The following NAA15 variants were observed in gnomAD, a reference collection of about 807,000 sequenced individuals.
NAA15 encodes N-alpha-acetyltransferase 15, NatA auxiliary subunit.
In NAA15, 34 loss-of-function variants were observed where a neutral mutation model predicts 114.0. The observed-to-expected ratio is 0.30, with a 90% CI of 0.23 to 0.40. The LOEUF (loss-of-function observed/expected upper bound fraction) is 0.40, where lower values mean the gene tolerates loss of function less well. Ranked by LOEUF, NAA15 falls within the 10% of genes least tolerant of loss-of-function variation. The pLI, the probability that NAA15 is intolerant of heterozygous loss-of-function variation, is 1.00. For missense variants in NAA15, 658 were observed against 1,004.5 expected (o/e 0.66, Z 4.66); for synonymous variants, 340 against 338.0 (o/e 1.01, Z -0.06).
Position 139,385,270 on chromosome 4 carries a change from CATATATATATATA to C in NAA15, c.2302+306_2302+318del, listed in dbSNP as rs1029692740. On this transcript the variant is annotated intron_variant, in intron 18 of 19. Transcript: ENST00000296543. ...TGTTTCAAATCAAAACAAAACCAAACATATATATATATAATATATATATATATATAATATATAT... is the reference window on the plus strand; with the variant it reads ...TGTTTCAAATCAAAACAAAACCAAACATATATATATATATATAATATATAT... Among the ~76,000 whole-genome samples, 24 of 91,808 alleles carry C rather than the reference CATATATATATATA, an allele frequency of 2.6e-4. 1 individual carries two copies. Among genetic ancestry groups the C allele is most frequent in the Non-Finnish European group, 1.2e-4 (6 of 48,046 alleles). 60.2% of individuals were successfully genotyped at this position (91,808 alleles called of 152,430 possible). A position where few individuals can be genotyped will look rare whatever the true frequency, so the allele number is the denominator to read the frequency against.
chr4:139,370,101 A>G (rs1748393423), intron 14 of NAA15, 110 bp from the exon 15 acceptor site: 2 of 913,370 alleles, frequency 2.2e-6, no homozygotes, highest in Non-Finnish European at 3.1e-6. Context: ...CGCCATGCCC[A>G]GCCTCATGCA....
chr4:139,387,580 G>T (rs1348386175), intron 19 of NAA15, among the ~76,000 whole-genome samples: 3 of 152,202 alleles, frequency 2.0e-5, no homozygotes, highest in Non-Finnish European at 2.9e-5. Context: ...AAGGTCATAC[G>T]CTTGCTGAGA....
chr4:139,367,222 C>T (rs1303712037), intron 14 of NAA15, among the ~76,000 whole-genome samples: 1 of 152,224 alleles, frequency 6.6e-6, no homozygotes, highest in East Asian at 1.9e-4. Flanking sequence ...TTACCACGTC[C>T]ATCCTCAAGT....
chr4:139,364,213 C>CT (rs1748214131), intron 14 of NAA15, among the ~76,000 whole-genome samples: 1 of 152,070 alleles, frequency 6.6e-6, no homozygotes, highest in Non-Finnish European at 1.5e-5. Flanking sequence ...TATATGTTTT[C>CT]TTTTTTTCAC....
At chr4:139,308,767 C>T (rs1376164845) in intron 1 of NAA15, among the ~76,000 whole-genome samples, 3 of 152,048 alleles carry the variant, frequency 2.0e-5, no homozygotes, top group Admixed American at 6.5e-5. Flanking sequence ...AGGTGTCCAC[C>T]ACCACACCCA....
At chr4:139,325,307 C>G (rs547539629) in intron 1 of NAA15, among the ~76,000 whole-genome samples, 110 of 152,192 alleles carry the variant, frequency 7.2e-4, no homozygotes, top group Non-Finnish European at 1.1e-3. Flanking sequence ...GTTTAATAAC[C>G]TTTAACATTT....
In NAA15 at chr4:139,384,989, T is replaced by A; in HGVS notation, c.2302+11T>A. The A allele has an allele frequency of 6.7e-7, 1 of 1,499,594 alleles. No individual in the cohort carries two copies. Among genetic ancestry groups the A allele is most frequent in the African/African-American group, 1.4e-5 (1 of 70,734 alleles). 92.9% of individuals were successfully genotyped at this position (1,499,594 alleles called of 1,614,324 possible). Reference sequence around the variant, plus strand: ...CACACAGATTATCAGGTAATCACTTTATTTTATCCTTAGCCTTCTAAAACA... The same window carrying A: ...CACACAGATTATCAGGTAATCACTTAATTTTATCCTTAGCCTTCTAAAACA... On this transcript the variant is annotated intron_variant, in intron 18 of 19. Transcript: ENST00000296543.
chr4:139,346,914 G>A (rs1747601422), intron 6 of NAA15, among the ~76,000 whole-genome samples: 1 of 152,190 alleles, frequency 6.6e-6, no homozygotes, highest in Admixed American at 6.5e-5. Flanking sequence ...GATGGGTATA[G>A]TGTAGAGGGG....
rs1746283610 is a variant in NAA15 at position 139,313,417 on chromosome 4, CTA to C, written c.54+11588_54+11589del. Among the ~76,000 whole-genome samples the C allele has an allele frequency of 1.3e-5, 2 of 151,782 alleles. 1 individual carries two copies. Among genetic ancestry groups the C allele is most frequent in the South Asian group, 4.2e-4 (2 of 4,812 alleles). ...AAGCAAAGCAGTATTTATTTAGTAT[CTA>C]TTTTGAGCCAGATTTTATGCTAGAC... On this transcript the variant is annotated intron_variant, in intron 1 of 19. Transcript: ENST00000296543.
intron 1 of NAA15, among the ~76,000 whole-genome samples, chr4:139,332,986 C>T (rs1334932329): frequency 3.9e-5 from 6 of 152,146 alleles, no homozygotes; most frequent in Admixed American, 2.6e-4. Flanking sequence ...CCTTGATATA[C>T]AATGGCATAG....
intron 4 of NAA15, among the ~76,000 whole-genome samples, chr4:139,341,593 C>CAAAAAAAAAAAA (rs751688160): frequency 1.2e-3 from 18 of 14,426 alleles, no homozygotes; most frequent in Non-Finnish European, 2.0e-3. Flanking sequence ...AACTCTGTCT[C>CAAAAAAAAAAAA]AAAAAAAAAA....
intron 9 of NAA15, among the ~76,000 whole-genome samples, chr4:139,352,469 A>G (rs1430916345): frequency 6.6e-6 from 1 of 152,026 alleles, no homozygotes; most frequent in Admixed American, 6.6e-5. Flanking sequence ...TCATCAAGGC[A>G]TATTGTTTGG....
chr4:139,335,571 G>A (rs1287913990), intron 2 of NAA15, among the ~76,000 whole-genome samples: 3 of 151,850 alleles, frequency 2.0e-5, no homozygotes, highest in African/African-American at 7.3e-5. Flanking sequence ...TCACCATGTT[G>A]GCCAGGCTGG....
chr4:139,325,178 A>G (rs2874176), intron 1 of NAA15, among the ~76,000 whole-genome samples: 43,109 of 151,874 alleles, frequency 0.28, 6,555 homozygotes, highest in African/African-American at 0.39. Context: ...TTAATTTTGT[A>G]TGTTCACTTC....
chr4:139,377,750 G>C (rs1054068084), intron 16 of NAA15, among the ~76,000 whole-genome samples: 3 of 152,124 alleles, frequency 2.0e-5, no homozygotes, highest in Non-Finnish European at 4.4e-5. Flanking sequence ...ATAATTTACT[G>C]TATTTTCTAC....
chr4:139,315,389 C>T lies in NAA15; in HGVS notation c.54+13558C>T, dbSNP rs1005435512. Among the ~76,000 whole-genome samples, 43 of 151,856 alleles carry T rather than the reference C, an allele frequency of 2.8e-4. 1 individual carries two copies. Among genetic ancestry groups the T allele is most frequent in the African/African-American group, 9.4e-4 (39 of 41,360 alleles). On this transcript the variant is annotated intron_variant, in intron 1 of 19. Coordinates refer to ENST00000296543, the MANE Select transcript of NAA15 (RefSeq NM_057175.5). ...CAAAAATTAGCCAGGCGTGGTGGTACGTGCCTGTAATCCCCGCTACTTGGC... is the reference window on the plus strand; with the variant it reads ...CAAAAATTAGCCAGGCGTGGTGGTATGTGCCTGTAATCCCCGCTACTTGGC...
At position 139,388,759 on chromosome 4, in the gene NAA15, A is replaced by G. The variant is rs1748974247; in HGVS notation, c.*675A>G. 1 of 152,656 alleles carries G rather than the reference A, an allele frequency of 6.6e-6. No homozygotes were observed. The highest frequency in any genetic ancestry group is 2.4e-5 in the African/African-American group (1 of 41,466). The allele number at this position is 152,656 out of a possible 1,614,324, so 9.5% of individuals were successfully genotyped here. On this transcript the variant is annotated 3_prime_UTR_variant, in exon 20 of 20. Coordinates refer to ENST00000296543, the MANE Select transcript of NAA15 (RefSeq NM_057175.5). Reference sequence around the variant, plus strand: ...TTGTACCACAGTTTTTAACTGAAGGAACCAGTTGTAACAGTCTCAATTTTA... The same window carrying G: ...TTGTACCACAGTTTTTAACTGAAGGGACCAGTTGTAACAGTCTCAATTTTA...
intron 10 of NAA15, among the ~76,000 whole-genome samples, 158 bp downstream of exon 10, chr4:139,354,256 G>C (rs1747871159): frequency 6.6e-6 from 1 of 152,138 alleles, no homozygotes; most frequent in Non-Finnish European, 1.5e-5. Context: ...CACATTGTGT[G>C]ATGATATTTG....
At chr4:139,378,384 A>G (rs1411070479) in intron 16 of NAA15, among the ~76,000 whole-genome samples, 1 of 152,222 alleles carries the variant, frequency 6.6e-6, no homozygotes, top group East Asian at 1.9e-4. Context: ...TTCACATGTC[A>G]CAAAATAAAA....
Sources: gnomAD v4.1 joint callset for allele counts (sites outside exome capture counted in the v4.1 genomes callset) on GRCh38, gnomAD v4.1.1 for gene constraint, MANE v1.5 for transcripts, NCBI Gene and HGNC (gene_info 2026-07-23, HGNC 2026-07-21) for gene names.